KCND2: variants seen among roughly 807,000 people sequenced by gnomAD.
KCND2 encodes the protein A-type voltage-gated potassium channel KCND2.
A neutral mutation model predicts 54.4 loss-of-function variants in KCND2; 16 were observed. The observed-to-expected ratio is 0.29, with a 90% CI of 0.20 to 0.45. KCND2 has a LOEUF of 0.45. KCND2 is among the 20% of genes least tolerant of loss of function. KCND2 has a pLI of 1.00. For synonymous variants in KCND2, 317 were observed against 310.7 expected (o/e 1.02, Z -0.21); for missense variants, 486 against 824.2 (o/e 0.59, Z 5.02).
chr7:120,344,295 CA>C (rs1304327806), intron 1 of KCND2, among the ~76,000 whole-genome samples: 1 of 152,070 alleles, frequency 6.6e-6, no homozygotes, highest in African/African-American at 2.4e-5. Context: ...AGAACTGAAC[CA>C]GACAAGATAA....
intron 1 of KCND2, among the ~76,000 whole-genome samples, chr7:120,387,314 A>G (rs1801004499): frequency 6.6e-6 from 1 of 152,094 alleles, no homozygotes; most frequent in African/African-American, 2.4e-5. Context: ...ATCAAAATTT[A>G]TGTAACTTTG....
intron 1 of KCND2, among the ~76,000 whole-genome samples, chr7:120,725,741 A>G (rs904301646): frequency 6.6e-5 from 10 of 152,182 alleles, no homozygotes; most frequent in African/African-American, 2.4e-4. Context: ...TTTAACATCG[A>G]TACTCCCTTA....
chr7:120,593,513 G>A (rs1792696818), intron 1 of KCND2, among the ~76,000 whole-genome samples: 1 of 152,096 alleles, frequency 6.6e-6, no homozygotes, highest in Non-Finnish European at 1.5e-5. Flanking sequence ...AGTTGACTAT[G>A]ATAGGAATGC....
At chr7:120,626,296 G>A (rs1230155986) in intron 1 of KCND2, among the ~76,000 whole-genome samples, 4 of 152,144 alleles carry the variant, frequency 2.6e-5, no homozygotes, top group African/African-American at 9.7e-5. Flanking sequence ...AAGCATTCCA[G>A]TGGGGAAGAC....
At chr7:120,291,365 T>G (rs1799432617) in intron 1 of KCND2, among the ~76,000 whole-genome samples, 1 of 151,986 alleles carries the variant, frequency 6.6e-6, no homozygotes, top group South Asian at 2.1e-4. Flanking sequence ...ATGTCTGTAG[T>G]ACTGTACTCT....
chr7:120,403,314 G>GT (rs72376752), intron 1 of KCND2, among the ~76,000 whole-genome samples: 3,105 of 143,440 alleles, frequency 0.022, 63 homozygotes, highest in African/African-American at 0.053. Flanking sequence ...TATTATTCAT[G>GT]TTTTTTTTTT....
intron 2 of KCND2, among the ~76,000 whole-genome samples, chr7:120,739,843 T>C (rs766172983): frequency 1.4e-4 from 21 of 150,750 alleles, no homozygotes; most frequent in Admixed American, 6.0e-4. Context: ...GCACTCCCTT[T>C]GGTCCAGGAA....
chr7:120,361,020 T>C (rs1417564109), intron 1 of KCND2, among the ~76,000 whole-genome samples: 1 of 152,136 alleles, frequency 6.6e-6, no homozygotes, highest in Non-Finnish European at 1.5e-5. Context: ...AATACTCATC[T>C]TTTCTCTGTA....
chr7:120,325,682 G>A (rs891793062), intron 1 of KCND2, among the ~76,000 whole-genome samples: 8 of 152,124 alleles, frequency 5.3e-5, no homozygotes, highest in Non-Finnish European at 5.9e-5. Flanking sequence ...GCTTTTTGAT[G>A]TAGCACAATG....
At chr7:120,588,219 G>A (rs1263072687) in intron 1 of KCND2, among the ~76,000 whole-genome samples, 3 of 151,980 alleles carry the variant, frequency 2.0e-5, no homozygotes, top group Non-Finnish European at 4.4e-5. Flanking sequence ...GCATCCCTTG[G>A]CTTTATAGTC....
intron 1 of KCND2, among the ~76,000 whole-genome samples, chr7:120,450,637 C>T (rs1032957455): frequency 1.9e-4 from 29 of 152,176 alleles, no homozygotes; most frequent in Admixed American, 7.2e-4. Flanking sequence ...ATTCTAAAGT[C>T]CATGCCACAT....
At chr7:120,545,683 A>G (rs1250799411) in intron 1 of KCND2, among the ~76,000 whole-genome samples, 2 of 151,896 alleles carry the variant, frequency 1.3e-5, no homozygotes, top group Non-Finnish European at 2.9e-5. Flanking sequence ...CAGGTCAGCC[A>G]GCAGAGAGTT....
At chr7:120,665,634 A>T (rs1562903021) in intron 1 of KCND2, among the ~76,000 whole-genome samples, 1 of 152,044 alleles carries the variant, frequency 6.6e-6, no homozygotes, top group South Asian at 2.1e-4. Flanking sequence ...AGGAAGAAGG[A>T]GAATTGGGAG....
intron 1 of KCND2, among the ~76,000 whole-genome samples, chr7:120,509,255 A>G (rs926813910): frequency 6.6e-6 from 1 of 151,978 alleles, no homozygotes; most frequent in Non-Finnish European, 1.5e-5. Flanking sequence ...AAAAACGTAA[A>G]CATTTGAGTA....
At chr7:120,615,082 T>C (rs1472964450) in intron 1 of KCND2, among the ~76,000 whole-genome samples, 2 of 152,194 alleles carry the variant, frequency 1.3e-5, no homozygotes, top group Admixed American at 6.5e-5. Flanking sequence ...TGAGTGATGT[T>C]TTTTAACCAA....
rs1049703915 is a variant in KCND2, at chr7:120,748,622, TATCAGGA to T, written c.*772_*778del. The T allele has an allele frequency of 6.6e-6, 1 of 152,476 alleles. No homozygotes were observed. Among genetic ancestry groups the T allele is most frequent in the African/African-American group, 2.4e-5 (1 of 41,462 alleles). 9.4% of individuals were successfully genotyped at this position (152,476 alleles called of 1,614,324 possible). A position where few individuals can be genotyped will look rare whatever the true frequency, so the allele number is the denominator to read the frequency against. On this transcript the variant is annotated 3_prime_UTR_variant, in exon 6 of 6. Coordinates refer to ENST00000331113, the MANE Select transcript of KCND2 (RefSeq NM_012281.3). ...GCAATAATTTGTTGTACAACTGTTG[TATCAGGA>T]ATCAGGATTTTTTTGTTGTTGTACT...
chr7:120,375,791 G>A lies in KCND2; in HGVS notation c.1115+100044G>A, dbSNP rs1050753978. Reference sequence around the variant, plus strand: ...AATGATTATGATATTACTCCTCGACGTTATAAAATAACTACTTTCTGCCCC... The same window carrying A: ...AATGATTATGATATTACTCCTCGACATTATAAAATAACTACTTTCTGCCCC... On this transcript the variant is annotated intron_variant, in intron 1 of 5. Coordinates refer to ENST00000331113, the MANE Select transcript of KCND2 (RefSeq NM_012281.3). Among the ~76,000 whole-genome samples the A allele has an allele frequency of 4.0e-5, 6 of 151,836 alleles. No homozygotes were observed. In the South Asian group the frequency reaches 6.2e-4, roughly 16 times the overall value.
intron 1 of KCND2, among the ~76,000 whole-genome samples, chr7:120,509,004 C>T (rs905336905): frequency 1.3e-5 from 2 of 150,532 alleles, no homozygotes; most frequent in South Asian, 2.1e-4. Context: ...AGAAACAAAA[C>T]GTATTTGTGA....
chr7:120,500,210 G>A (rs1251740661), intron 1 of KCND2, among the ~76,000 whole-genome samples: 1 of 152,078 alleles, frequency 6.6e-6, no homozygotes, highest in African/African-American at 2.4e-5. Flanking sequence ...TGGACTAAGA[G>A]CATAGTCCAG....
Sources: allele counts gnomAD v4.1 joint callset (sites outside exome capture counted in the v4.1 genomes callset), GRCh38; gene constraint gnomAD v4.1.1; transcripts MANE v1.5; gene names NCBI Gene and HGNC (gene_info 2026-07-23, HGNC 2026-07-21).